Variants in RAP1GAP2 observed in about 807,000 individuals in gnomAD.
The protein encoded by RAP1GAP2 is RAP1 GTPase activating protein 2.
RAP1GAP2 carries 27 observed loss-of-function variants against 95.0 expected under a neutral mutation model. The ratio of observed to expected loss-of-function variants is 0.28; its 90% confidence interval spans 0.21 to 0.39. The LOEUF (loss-of-function observed/expected upper bound fraction) is 0.39, where lower values mean the gene tolerates loss of function less well. Ranked by LOEUF, RAP1GAP2 falls within the 10% of genes least tolerant of loss-of-function variation. RAP1GAP2 has a pLI of 1.00. For missense variants in RAP1GAP2, 771 were observed against 970.0 expected (o/e 0.79, Z 2.72); for synonymous variants, 373 against 380.9 (o/e 0.98, Z 0.24).
At chr17:2,826,526 T>G (rs1387735626) in intron 2 of RAP1GAP2, among the ~76,000 whole-genome samples, 1 of 151,796 alleles carries the variant, frequency 6.6e-6, no homozygotes, top group Non-Finnish European at 1.5e-5. Context: ...GCCTGTCTCC[T>G]TGGTGACTTG....
upstream of RAP1GAP2, chr17:2,777,024 G>A (rs984848999): frequency 2.0e-5 from 3 of 152,340 alleles, no homozygotes; most frequent in African/African-American, 4.8e-5. Flanking sequence ...ACGGGGAATC[G>A]GAGCGTGTGT....
At chr17:2,912,698 C>A (rs140656702) in intron 3 of RAP1GAP2, among the ~76,000 whole-genome samples, 1 of 152,212 alleles carries the variant, frequency 6.6e-6, no homozygotes, top group Admixed American at 6.5e-5. Flanking sequence ...GTCTCCACAT[C>A]GATTGTGTTT....
At chr17:2,767,401 A>C (rs1429662188) in intron 1 of RAP1GAP2, among the ~76,000 whole-genome samples, 2 of 146,776 alleles carry the variant, frequency 1.4e-5, no homozygotes, top group African/African-American at 5.0e-5. Flanking sequence ...TGGAATAGGT[A>C]ATCTCTCTCC....
intron 3 of RAP1GAP2, among the ~76,000 whole-genome samples, chr17:2,924,562 G>C (rs2042893115): frequency 6.6e-6 from 1 of 151,760 alleles, no homozygotes; most frequent in Non-Finnish European, 1.5e-5. Flanking sequence ...AAAGAGGGAA[G>C]GAGGGAAGGA....
intron 4 of RAP1GAP2, 33 bp from the exon 5 acceptor site, chr17:2,962,637 T>C (rs756145495): frequency 6.4e-7 from 1 of 1,561,644 alleles, no homozygotes; most frequent in Non-Finnish European, 8.7e-7. Context: ...GACCTTTGCT[T>C]TTCTGTGGAT....
At chr17:2,910,358 C>G (rs1308723151) in intron 3 of RAP1GAP2, among the ~76,000 whole-genome samples, 2 of 152,166 alleles carry the variant, frequency 1.3e-5, no homozygotes, top group Non-Finnish European at 2.9e-5. Flanking sequence ...CATCCCTGTC[C>G]TAGGGTGAGG....
At chr17:2,991,488 G>T in intron 12 of RAP1GAP2, 91 bp downstream of exon 12, 3 of 960,010 alleles carry the variant, frequency 3.1e-6, no homozygotes, top group Non-Finnish European at 3.2e-6. Context: ...GCACGTGTGA[G>T]TTAAAAACAC....
chr17:2,794,889 T>A (rs1330657396), upstream of RAP1GAP2, among the ~76,000 whole-genome samples: 1 of 148,366 alleles, frequency 6.7e-6, no homozygotes, highest in African/African-American at 2.5e-5. Flanking sequence ...TTTTTTTTTT[T>A]TTTTGAGATG....
rs34468461 is a variant in RAP1GAP2 at position 2,969,496 on chromosome 17, C to CTTTTTTTTTTTTTTTTTTT, written c.596+3858_596+3876dup. Reference sequence around the variant, plus strand: ...GTAAAGATGTGTAAATATATATATTCTTTTTTTTTTTTTTTTTTTTTTTGA... The same window carrying CTTTTTTTTTTTTTTTTTTT: ...GTAAAGATGTGTAAATATATATATTCTTTTTTTTTTTTTTTTTTTTTTTTTTTTTTTTTTTTTTTTTTGA... On this transcript the variant is annotated intron_variant, in intron 8 of 24. Coordinates refer to ENST00000254695, the MANE Select transcript of RAP1GAP2 (RefSeq NM_015085.5). Among the ~76,000 whole-genome samples, 16 of 83,780 alleles carry CTTTTTTTTTTTTTTTTTTT rather than the reference C, an allele frequency of 1.9e-4. 2 individuals are homozygous for CTTTTTTTTTTTTTTTTTTT. The highest frequency in any genetic ancestry group is 5.9e-4 in the African/African-American group (13 of 21,966). 55.0% of individuals were successfully genotyped at this position (83,780 alleles called of 152,430 possible). A position where few individuals can be genotyped will look rare whatever the true frequency, so the allele number is the denominator to read the frequency against.
intron 22 of RAP1GAP2, among the ~76,000 whole-genome samples, chr17:3,030,229 T>A (rs182846296): frequency 1.3e-5 from 2 of 149,466 alleles, no homozygotes. Flanking sequence ...ATGAGTATTT[T>A]GTATTAAGAG....
chr17:2,777,785 G>T (rs1265257461), intron 1 of RAP1GAP2, among the ~76,000 whole-genome samples: 1 of 152,216 alleles, frequency 6.6e-6, no homozygotes, highest in African/African-American at 2.4e-5. Context: ...GGGAATGAGA[G>T]AGTTGTCCTG....
intron 13 of RAP1GAP2, among the ~76,000 whole-genome samples, chr17:2,995,984 A>G (rs1437918924): frequency 1.3e-5 from 2 of 152,034 alleles, no homozygotes; most frequent in Non-Finnish European, 2.9e-5. Context: ...GTAGAGGGTG[A>G]TTGTGGGGAT....
At chr17:2,804,908 C>T (rs2069450739) in intron 2 of RAP1GAP2, among the ~76,000 whole-genome samples, 1 of 152,220 alleles carries the variant, frequency 6.6e-6, no homozygotes, top group Admixed American at 6.5e-5. Flanking sequence ...CCAGCCTTCT[C>T]TCTTCCAGCC....
intron 3 of RAP1GAP2, among the ~76,000 whole-genome samples, chr17:2,911,402 C>T (rs1257718382): frequency 6.6e-6 from 1 of 152,026 alleles, no homozygotes; most frequent in Non-Finnish European, 1.5e-5. Flanking sequence ...GAGGCTGCGT[C>T]TGTGGGAATA....
chr17:3,014,239 G>A (rs532883219), intron 17 of RAP1GAP2, among the ~76,000 whole-genome samples: 56 of 152,162 alleles, frequency 3.7e-4, no homozygotes, highest in Middle Eastern at 3.4e-3. Context: ...TAGGACACAC[G>A]TCGGCTATAG....
chr17:2,998,349 C>T lies in RAP1GAP2; in HGVS notation c.1173C>T (p.Thr391=). Reference sequence around the variant, plus strand: ...CCTACATCGTCGTGCAGGTCGAGACCCCAGGCACAGAGACCCCATCCTACA... The same window carrying T: ...CCTACATCGTCGTGCAGGTCGAGACTCCAGGCACAGAGACCCCATCCTACA... ...LHAYIVVQVE[T]PGTETPSYKV... The change falls in exon 14 of 25, where the codon ACC becomes ACT. Residue 391 remains threonine, a synonymous_variant. Coordinates refer to ENST00000254695, the MANE Select transcript of RAP1GAP2 (RefSeq NM_015085.5). The T allele has an allele frequency of 6.2e-7, 1 of 1,613,970 alleles. No homozygotes were observed. Among genetic ancestry groups the T allele is most frequent in the Non-Finnish European group, 8.5e-7 (1 of 1,179,898 alleles).
At chr17:3,026,274 A>T (rs1453035304) in intron 20 of RAP1GAP2, 76 bp from the exon 21 acceptor site, 2 of 1,372,166 alleles carry the variant, frequency 1.5e-6, no homozygotes, top group Non-Finnish European at 2.0e-6. Context: ...GAGCCGCCAG[A>T]GGTCCCGGGG....
chr17:2,914,422 C>T (rs1397079572), intron 3 of RAP1GAP2, among the ~76,000 whole-genome samples: 1 of 151,956 alleles, frequency 6.6e-6, no homozygotes, highest in Non-Finnish European at 1.5e-5. Flanking sequence ...TTTTCCCTTC[C>T]TCCTTCCTTT....
intron 2 of RAP1GAP2, among the ~76,000 whole-genome samples, chr17:2,822,499 T>A (rs2070346083): frequency 6.6e-6 from 1 of 151,964 alleles, no homozygotes; most frequent in Non-Finnish European, 1.5e-5. Context: ...GTGTGGTATG[T>A]GCCTGTAGTC....
Sources: allele counts gnomAD v4.1 joint callset (sites outside exome capture counted in the v4.1 genomes callset), GRCh38; gene constraint gnomAD v4.1.1; transcripts MANE v1.5; gene names NCBI Gene and HGNC (gene_info 2026-07-23, HGNC 2026-07-21).